ERBB4: variants seen among roughly 807,000 people sequenced by gnomAD.
The protein encoded by ERBB4 is erb-b2 receptor tyrosine kinase 4.
In ERBB4, 42 loss-of-function variants were observed where a neutral mutation model predicts 158.0. The ratio of observed to expected loss-of-function variants is 0.27; its 90% CI spans 0.21 to 0.34. The LOEUF (loss-of-function observed/expected upper bound fraction) is 0.34. Ranked by LOEUF, ERBB4 falls within the 10% of genes least tolerant of loss-of-function variation. ERBB4 has a pLI of 1.00. For synonymous variants in ERBB4, 583 were observed against 558.7 expected, an observed-to-expected ratio of 1.04 and a Z score of -0.61; for missense variants, 1,333 against 1,624.1, an observed-to-expected ratio of 0.82 and a Z score of 3.08.
chr2:211,585,092 C>G (rs2068224590), intron 19 of ERBB4, among the ~76,000 whole-genome samples: 1 of 151,826 alleles, frequency 6.6e-6, no homozygotes, highest in African/African-American at 2.4e-5. Context: ...GTGGCTCATG[C>G]CTGTAATCCC....
chr2:212,143,915 A>G (rs900042401), intron 1 of ERBB4, among the ~76,000 whole-genome samples: 29 of 152,048 alleles, frequency 1.9e-4, no homozygotes, highest in African/African-American at 6.7e-4. Context: ...GCTGCTTGGG[A>G]GGCTGAGGCA....
At chr2:211,765,307 T>G (rs1197255451) in intron 4 of ERBB4, among the ~76,000 whole-genome samples, 1 of 152,116 alleles carries the variant, frequency 6.6e-6, no homozygotes, top group Non-Finnish European at 1.5e-5. Flanking sequence ...TCAGGGGGCT[T>G]TGTCCTGAAA....
chr2:212,011,008 G>T (rs1232793811), intron 2 of ERBB4, among the ~76,000 whole-genome samples: 1 of 152,142 alleles, frequency 6.6e-6, no homozygotes, highest in African/African-American at 2.4e-5. Context: ...GTCTTCCCTT[G>T]TTCCCTAAAA....
Position 211,387,993 on chromosome 2 carries a change from C to G in ERBB4, c.3136-1G>C. On this transcript the variant is annotated splice_acceptor_variant, in intron 25 of 27. Transcript: ENST00000342788. LOFTEE classifies it high-confidence loss of function. ...GAGGAGGGCTGTGTCCAATTTCACT[C>G]TAATAGGAAAGAAAAATGGAATGAT... is the stretch of plus-strand genomic sequence containing the variant. The G allele has an allele frequency of 6.3e-7, 1 of 1,594,474 alleles. No homozygotes were observed. The highest frequency in any genetic ancestry group is 1.4e-5 in the African/African-American group (1 of 74,030).
intron 5 of ERBB4, among the ~76,000 whole-genome samples, chr2:211,729,445 G>T (rs1455458236): frequency 3.3e-5 from 5 of 151,396 alleles, no homozygotes; most frequent in Non-Finnish European, 7.4e-5. Flanking sequence ...ACACATAAAA[G>T]GTAGGCAAAA....
At chr2:212,041,777 C>CTTT (rs1281191933) in intron 2 of ERBB4, among the ~76,000 whole-genome samples, 1 of 152,008 alleles carries the variant, frequency 6.6e-6, no homozygotes, top group Admixed American at 6.6e-5. Context: ...CAATATTTAA[C>CTTT]TTTTTCACTC....
intron 7 of ERBB4, among the ~76,000 whole-genome samples, chr2:211,717,544 T>A (rs1288361188): frequency 6.6e-6 from 1 of 152,118 alleles, no homozygotes. Flanking sequence ...AATCTACCCC[T>A]CTCGGCCTGG....
At chr2:212,051,893 C>T (rs558213148) in intron 2 of ERBB4, among the ~76,000 whole-genome samples, 1 of 152,270 alleles carries the variant, frequency 6.6e-6, no homozygotes, top group African/African-American at 2.4e-5. Context: ...TAATCTGGCA[C>T]ACAGAGTCAG....
chr2:211,470,364 C>T (rs1289599304), intron 20 of ERBB4, among the ~76,000 whole-genome samples: 2 of 152,032 alleles, frequency 1.3e-5, no homozygotes, highest in African/African-American at 4.8e-5. Context: ...TCTCTGACTT[C>T]CTACATAATT....
chr2:212,151,275 C>T (rs932776920), intron 1 of ERBB4, among the ~76,000 whole-genome samples: 1 of 150,504 alleles, frequency 6.6e-6, no homozygotes, highest in East Asian at 1.9e-4. Context: ...TTAATATATA[C>T]ATTATAGGGG....
intron 19 of ERBB4, among the ~76,000 whole-genome samples, chr2:211,567,387 C>A (rs966397069): frequency 1.3e-5 from 2 of 152,124 alleles, no homozygotes; most frequent in African/African-American, 4.8e-5. Flanking sequence ...TGAGAAGGAA[C>A]TAAAATCAAA....
intron 1 of ERBB4, among the ~76,000 whole-genome samples, chr2:212,317,824 G>A (rs1254569880): frequency 2.0e-5 from 2 of 101,194 alleles, no homozygotes; most frequent in Non-Finnish European, 4.8e-5. Context: ...TCCTGTGCCT[G>A]TCTACAATGA....
intron 1 of ERBB4, among the ~76,000 whole-genome samples, chr2:212,156,807 C>G (rs1388316819): frequency 6.6e-6 from 1 of 152,082 alleles, no homozygotes; most frequent in Non-Finnish European, 1.5e-5. Flanking sequence ...CCTCCTTTCT[C>G]TCCTTCATCA....
chr2:211,714,405 T>C (rs899006064), intron 7 of ERBB4, among the ~76,000 whole-genome samples: 1 of 152,176 alleles, frequency 6.6e-6, no homozygotes, highest in Admixed American at 6.5e-5. Flanking sequence ...TGGCACAATA[T>C]GCAATGTTGT....
Position 211,383,978 on chromosome 2 carries a change from A to G in ERBB4, c.3564T>C (p.Tyr1188=), listed in dbSNP as rs2062629803. ...GDLQALDNPE[Y]HNASNGPPKA... ...TGGGTGGACCATTGGATGCATTGTG[A>G]TATTCGGGATTATCCAATGCTTGAA... is the stretch of plus-strand genomic sequence containing the variant. The change falls in exon 28 of 28, where the codon TAT becomes TAC. Residue 1188 remains tyrosine, a synonymous_variant. Coordinates refer to ENST00000342788, the MANE Select transcript of ERBB4 (RefSeq NM_005235.3). 6.2e-7 allele frequency: 1 copy of G among 1,613,720 alleles called. No homozygotes were observed. Among genetic ancestry groups the G allele is most frequent in the Admixed American group, 1.7e-5 (1 of 59,976 alleles).
chr2:211,460,397 C>T (rs987937421), intron 20 of ERBB4, among the ~76,000 whole-genome samples: 4 of 152,052 alleles, frequency 2.6e-5, no homozygotes, highest in Non-Finnish European at 5.9e-5. Context: ...TAAATGAATA[C>T]ATTTTTTGTT....
At chr2:211,466,635 T>C (rs913650428) in intron 20 of ERBB4, among the ~76,000 whole-genome samples, 2 of 152,092 alleles carry the variant, frequency 1.3e-5, no homozygotes, top group African/African-American at 4.8e-5. Flanking sequence ...GACTGACTAG[T>C]TATTATTAAT....
At chr2:211,937,605 G>C (rs1221405221) in intron 3 of ERBB4, among the ~76,000 whole-genome samples, 2 of 152,082 alleles carry the variant, frequency 1.3e-5, no homozygotes, top group Admixed American at 6.6e-5. Flanking sequence ...ACAATCATGG[G>C]AGAAGGGGAA....
chr2:211,550,127 G>GT (rs2067045437), intron 20 of ERBB4, among the ~76,000 whole-genome samples: 1 of 151,920 alleles, frequency 6.6e-6, no homozygotes, highest in Non-Finnish European at 1.5e-5. Flanking sequence ...GCTAATAAAC[G>GT]TATCCTTCAC....
Sources: allele counts gnomAD v4.1 joint callset (sites outside exome capture counted in the v4.1 genomes callset), GRCh38; gene constraint gnomAD v4.1.1; transcripts MANE v1.5; gene names NCBI Gene and HGNC (gene_info 2026-07-23, HGNC 2026-07-21).